Variants in CHRND observed in about 807,000 individuals in gnomAD.
CHRND encodes cholinergic receptor nicotinic delta subunit.
CHRND carries 40 observed loss-of-function variants against 57.8 expected under a neutral mutation model. The ratio of observed to expected loss-of-function variants is 0.69; its 90% CI spans 0.54 to 0.90. The LOEUF is 0.90. Ranked by LOEUF, CHRND falls within the 40% of genes least tolerant of loss-of-function variation. The pLI is 0.00. For synonymous variants in CHRND, 237 were observed against 270.6 expected (o/e 0.88, Z 1.22); for missense variants, 634 against 673.9 (o/e 0.94, Z 0.66).
intron 2 of CHRND, 109 bp downstream of exon 2, chr2:232,526,783 C>T (rs570575943): frequency 4.3e-6 from 5 of 1,170,850 alleles, no homozygotes; most frequent in East Asian, 2.5e-5. Context: ...TGGCCACTCC[C>T]TTCCTGGGAA....
chr2:232,531,970 A>AAAAAAAAAAAAAAAAAAG (rs1391577789), intron 9 of CHRND, among the ~76,000 whole-genome samples: 1 of 135,220 alleles, frequency 7.4e-6, no homozygotes, highest in African/African-American at 2.6e-5. Context: ...AAAAAAAAAA[A>AAAAAAAAAAAAAAAAAAG]AAAAGAAATG....
chr2:232,527,312 G>GAA, intron 2 of CHRND, 89 bp from the exon 3 acceptor site: 1 of 432,094 alleles, frequency 2.3e-6, no homozygotes, highest in East Asian at 4.3e-5. Flanking sequence ...GAAAAAAAAA[G>GAA]AGAGAGAGAG....
At position 232,528,278 on chromosome 2, in the gene CHRND, G is replaced by A. The variant is rs201264983; in HGVS notation, c.260G>A (p.Arg87Gln). The part of the protein sequence containing the change: ...VWIEHGWTDN[R>Q]LKWNAEEFGN... Reference sequence around the variant, plus strand: ...GGATTCCAGGGCTGGACAGACAACCGGCTGAAGTGGAATGCTGAAGAATTT... The same window carrying A: ...GGATTCCAGGGCTGGACAGACAACCAGCTGAAGTGGAATGCTGAAGAATTT... Residue 87 changes from arginine (R) to glutamine (Q), a missense_variant, in exon 4 of 12, where the codon CGG (arginine) becomes CAG (glutamine). By Grantham distance (43) the Arg-to-Gln change is conservative (BLOSUM62 1). Transcript: ENST00000258385. The A allele has an allele frequency of 2.5e-5, 40 of 1,614,008 alleles. No homozygotes were observed. Among genetic ancestry groups the A allele is most frequent in the Admixed American group, 1.2e-4 (7 of 60,002 alleles).
Position 232,531,970 on chromosome 2 carries a change from A to AAAAAAAG in CHRND, c.1047+318_1047+319insAAGAAAA, listed in dbSNP as rs1391577789. Among the ~76,000 whole-genome samples the AAAAAAAG allele has an allele frequency of 2.4e-3, 329 of 135,296 alleles. 5 individuals are homozygous for AAAAAAAG. Among genetic ancestry groups the AAAAAAAG allele is most frequent in the African/African-American group, 8.2e-3 (311 of 37,896 alleles). 88.8% of individuals were successfully genotyped at this position (135,296 alleles called of 152,430 possible). On this transcript the variant is annotated intron_variant, in intron 9 of 11. Transcript: ENST00000258385. ...TCAAAAAAAAAAAAAAAAAAAAAAA[A>AAAAAAAG]AAAAGAAATGAGCACTCTCAATAGC...
rs1048008047 is a variant in CHRND at position 232,536,475 on chromosome 2, A to G, written c.*1163A>G. The G allele has an allele frequency of 4.4e-6, 2 of 453,826 alleles. No homozygotes were observed. Among genetic ancestry groups the G allele is most frequent in the African/African-American group, 4.0e-5 (2 of 50,008 alleles). The allele number at this position is 453,826 out of a possible 1,614,324, so 28.1% of individuals were successfully genotyped here. On this transcript the variant is annotated 3_prime_UTR_variant, in exon 12 of 12. Coordinates refer to ENST00000258385, the MANE Select transcript of CHRND (RefSeq NM_000751.3). ...GGCAAGGAACTAAGGCCTCCTGCCA[A>G]CAGCCACGTGAGTGAATGTGGAAGT... is the stretch of plus-strand genomic sequence containing the variant.
chr2:232,530,506 G>A (rs1039474047), intron 7 of CHRND, among the ~76,000 whole-genome samples: 2 of 152,212 alleles, frequency 1.3e-5, no homozygotes, highest in African/African-American at 4.8e-5. Flanking sequence ...GAATAACAGG[G>A]TCTCTAGGAC....
Position 232,527,411 on chromosome 2 carries a change from AG to A in CHRND, c.211del (p.Glu71ArgfsTer9), listed in dbSNP as rs775873824. The A allele has an allele frequency of 2.5e-6, 4 of 1,613,154 alleles. No individual in the cohort carries two copies. The Admixed American group carries it at 6.7e-5, about 27-fold the overall frequency. ...LSNLISLKEVEETLTTNVWIE... is the reference protein window; with the variant it reads ...LSNLISLKEVXETLTTNVWIE... ...ACCGTCTAATTACAGAAAGAAGTTG[AG>A]GAGACCCTCACTACCAATGTGTGGA... On this transcript the variant is annotated frameshift_variant, in exon 3 of 12. Coordinates refer to ENST00000258385, the MANE Select transcript of CHRND (RefSeq NM_000751.3). LOFTEE classifies it high-confidence loss of function.
At chr2:232,526,484 C>T (rs1161870743) in intron 1 of CHRND, 45 bp from the exon 2 acceptor site, 3 of 1,612,530 alleles carry the variant, frequency 1.9e-6, no homozygotes, top group African/African-American at 2.7e-5. Context: ...TTCCTGAGTC[C>T]CCTGCCCAGG....
In CHRND at chr2:232,535,568, G is replaced by C; in HGVS notation, c.*256G>C. 1.5e-6 allele frequency: 1 copy of C among 652,450 alleles called. No individual in the cohort carries two copies. Among genetic ancestry groups the C allele is most frequent in the Non-Finnish European group, 2.8e-6 (1 of 356,116 alleles). The allele number at this position is 652,450 out of a possible 1,614,324, so 40.4% of individuals were successfully genotyped here. On this transcript the variant is annotated 3_prime_UTR_variant, in exon 12 of 12. Coordinates refer to ENST00000258385, the MANE Select transcript of CHRND (RefSeq NM_000751.3). ...TGGGGGGAGGCCCGAGGCTGGCTCA[G>C]GGGCCAGGGAGGAGGCCACTCAGGG...
Position 232,534,109 on chromosome 2 carries a change from G to C in CHRND, c.1226G>C (p.Gly409Ala). ...LMFEKQSERHGLARRLTTARR... is the reference protein window; with the variant it reads ...LMFEKQSERHALARRLTTARR... ...TTCGAGAAGCAGTCAGAGCGGCATG[G>C]GCTGGCCAGGCGCCTCACCACTGCA... Residue 409 changes from glycine (G) to alanine (A), a missense_variant, in exon 10 of 12, where the codon GGG becomes GCG. Transcript: ENST00000258385. 1.9e-6 allele frequency: 3 copies of C among 1,614,070 alleles called. No individual in the cohort carries two copies. The South Asian group carries it at 3.3e-5, about 18-fold the overall frequency.
At position 232,536,548 on chromosome 2, in the gene CHRND, G is replaced by C; in HGVS notation, c.*1236G>C. 2.3e-6 allele frequency: 1 copy of C among 437,982 alleles called. No individual in the cohort carries two copies. The highest frequency in any genetic ancestry group is 4.6e-6 in the Non-Finnish European group (1 of 216,714). The allele number at this position is 437,982 out of a possible 1,614,324, so 27.1% of individuals were successfully genotyped here. A position where few individuals can be genotyped will look rare whatever the true frequency, so the allele number is the denominator to read the frequency against. ...CTTCGGATGAGATCACAGCCCAGTA[G>C]ACATCTTATGTGCAGCCCCATGAAA... On this transcript the variant is annotated 3_prime_UTR_variant, in exon 12 of 12. Coordinates refer to ENST00000258385, the MANE Select transcript of CHRND (RefSeq NM_000751.3).
rs762452467 is a variant in CHRND, at chr2:232,528,911, GCCAAGGAGAA to G, written c.562_571del (p.Lys188AlafsTer23). On this transcript the variant is annotated frameshift_variant, in exon 6 of 12. Transcript: ENST00000258385. LOFTEE classifies it high-confidence loss of function. ...GATCACCCTGAGCCTGAAACAGGAT[GCCAAGGAGAA>G]CCGCACCTACCCCGTGGAGTGGATC... 8.1e-6 allele frequency: 13 copies of G among 1,614,166 alleles called. No individual in the cohort carries two copies.
intron 6 of CHRND, among the ~76,000 whole-genome samples, chr2:232,529,468 G>T (rs904404320): frequency 1.3e-5 from 2 of 152,196 alleles, no homozygotes; most frequent in African/African-American, 2.4e-5. Flanking sequence ...CACTGTCTCA[G>T]GCTGGCACAT....
At chr2:232,531,970 A>AAAAAG (rs1691720204) in intron 9 of CHRND, among the ~76,000 whole-genome samples, 4 of 135,220 alleles carry the variant, frequency 3.0e-5, no homozygotes, top group African/African-American at 1.1e-4. Flanking sequence ...AAAAAAAAAA[A>AAAAAG]AAAAGAAATG....
chr2:232,536,593 C>T lies in CHRND; in HGVS notation c.*1281C>T. 2 of 381,898 alleles carry T rather than the reference C, an allele frequency of 5.2e-6. No individual in the cohort carries two copies. Among genetic ancestry groups the T allele is most frequent in the South Asian group, 3.9e-5 (2 of 51,748 alleles). The allele number at this position is 381,898 out of a possible 1,614,324, so 23.7% of individuals were successfully genotyped here. On this transcript the variant is annotated 3_prime_UTR_variant, in exon 12 of 12. Transcript: ENST00000258385. ...ATGAAAGTCCCTAAGCCAGAACCAC[C>T]AGCTAAGTGACTCCTGGATTCCTGA...
rs145771264 is a variant in CHRND at position 232,527,571 on chromosome 2, C to T, written c.243+126C>T. 1.2e-3 allele frequency: 891 copies of T among 752,142 alleles called. 4 individuals are homozygous for T. The African/African-American group carries it at 0.012, about 10-fold the overall frequency. 46.6% of individuals were successfully genotyped at this position (752,142 alleles called of 1,614,324 possible). A position where few individuals can be genotyped will look rare whatever the true frequency, so the allele number is the denominator to read the frequency against. On this transcript the variant is annotated intron_variant, in intron 3 of 11. Coordinates refer to ENST00000258385, the MANE Select transcript of CHRND (RefSeq NM_000751.3). ...CATCTTGGCTGACACGGTGAAACCC[C>T]GTCTCTACTAAAAATACAAAAAATT... is the stretch of plus-strand genomic sequence containing the variant.
rs547787086 is a variant in CHRND, at chr2:232,536,220, A to G, written c.*908A>G. 116 of 454,142 alleles carry G rather than the reference A, an allele frequency of 2.6e-4. No homozygotes were observed. The highest frequency in any genetic ancestry group is 2.1e-3 in the African/African-American group (103 of 50,130). The allele number at this position is 454,142 out of a possible 1,614,324, so 28.1% of individuals were successfully genotyped here. A position where few individuals can be genotyped will look rare whatever the true frequency, so the allele number is the denominator to read the frequency against. On this transcript the variant is annotated 3_prime_UTR_variant, in exon 12 of 12. Transcript: ENST00000258385. ...GGTGGTCCACCTCCAAGATGGCCCC[A>G]GTGATGCCCAGTATTCACACCCTTG...
chr2:232,529,215 C>A (rs1691595278), intron 6 of CHRND, among the ~76,000 whole-genome samples: 2 of 152,246 alleles, frequency 1.3e-5, no homozygotes. Flanking sequence ...GGTGCCAGGG[C>A]CCTCCCCATG....
Position 232,534,115 on chromosome 2 carries a change from C to T in CHRND, c.1232C>T (p.Ala411Val). 1 of 1,614,086 alleles carries T rather than the reference C, an allele frequency of 6.2e-7. No individual in the cohort carries two copies. The highest frequency in any genetic ancestry group is 8.5e-7 in the Non-Finnish European group (1 of 1,180,024). ...FEKQSERHGL[A>V]RRLTTARRPP... Reference sequence around the variant, plus strand: ...AAGCAGTCAGAGCGGCATGGGCTGGCCAGGCGCCTCACCACTGCACGTGGG... The same window carrying T: ...AAGCAGTCAGAGCGGCATGGGCTGGTCAGGCGCCTCACCACTGCACGTGGG... Residue 411 changes from alanine to valine, a missense_variant, in exon 10 of 12, where the codon GCC becomes GTC. Coordinates refer to ENST00000258385, the MANE Select transcript of CHRND (RefSeq NM_000751.3).
Sources: allele counts gnomAD v4.1 joint callset (sites outside exome capture counted in the v4.1 genomes callset), GRCh38; gene constraint gnomAD v4.1.1; transcripts MANE v1.5; gene names NCBI Gene and HGNC (gene_info 2026-07-23, HGNC 2026-07-21).